The following MPP7 variants were observed in gnomAD, a reference collection of about 807,000 sequenced individuals.
MPP7 encodes MAGUK p55 scaffold protein 7.
Under a neutral mutation model 76.5 loss-of-function variants are expected in MPP7, and 60 were observed. The observed-to-expected ratio is 0.78, with a 90% confidence interval of 0.64 to 0.97. The LOEUF is 0.97. Among genes scored for constraint, MPP7 ranks in the 50% least tolerant of loss-of-function variants. The pLI is 0.00. For missense variants in MPP7, 641 were observed against 694.0 expected (o/e 0.92, Z 0.86); for synonymous variants, 237 against 244.5 (o/e 0.97, Z 0.29).
intron 11 of MPP7, among the ~76,000 whole-genome samples, chr10:28,095,316 A>G (rs1853518465): frequency 6.6e-6 from 1 of 151,768 alleles, no homozygotes; most frequent in African/African-American, 2.4e-5. Context: ...GACAACCAAT[A>G]AAATAGCCAG....
At chr10:28,084,211 C>A (rs1319164902) in intron 12 of MPP7, among the ~76,000 whole-genome samples, 1 of 152,134 alleles carries the variant, frequency 6.6e-6, no homozygotes, top group Non-Finnish European at 1.5e-5. Flanking sequence ...ATAAGGCATA[C>A]ATGAGAAAGC....
At chr10:28,124,206 G>T (rs1027540129) in intron 7 of MPP7, 90 bp from the exon 8 acceptor site, 19 of 873,378 alleles carry the variant, frequency 2.2e-5, no homozygotes, top group Non-Finnish European at 3.7e-5. Flanking sequence ...GCATTGTTAG[G>T]TTCCCTTAAT....
chr10:28,091,730 A>G (rs1481051480), intron 11 of MPP7, among the ~76,000 whole-genome samples: 2 of 152,254 alleles, frequency 1.3e-5, no homozygotes, highest in Non-Finnish European at 2.9e-5. Context: ...TTATGGACTG[A>G]AATTTTTTAA....
At chr10:28,236,534 C>T (rs922588730) in intron 2 of MPP7, 10 of 151,668 alleles carry the variant, frequency 6.6e-5, no homozygotes, top group African/African-American at 2.4e-4. Context: ...GTATTGAATG[C>T]ACAGGAAACT....
chr10:28,065,435 T>G (rs895685271), intron 13 of MPP7, among the ~76,000 whole-genome samples: 7 of 152,208 alleles, frequency 4.6e-5, no homozygotes, highest in Admixed American at 3.3e-4. Flanking sequence ...AGTGCCTAAT[T>G]GTAATGAGTT....
intron 2 of MPP7, among the ~76,000 whole-genome samples, chr10:28,320,109 CAGTT>C (rs1345841785): frequency 6.6e-6 from 1 of 152,100 alleles, no homozygotes; most frequent in Non-Finnish European, 1.5e-5. Context: ...GTAAAGGAGT[CAGTT>C]AGTGACTCTG....
intron 2 of MPP7, among the ~76,000 whole-genome samples, chr10:28,218,295 G>A (rs541203448): frequency 2.6e-5 from 4 of 151,990 alleles, no homozygotes; most frequent in Non-Finnish European, 4.4e-5. Context: ...CAGAGCAAAG[G>A]GATTTAGTCG....
At chr10:28,189,548 G>A (rs1242750318) in intron 3 of MPP7, among the ~76,000 whole-genome samples, 9 of 126,800 alleles carry the variant, frequency 7.1e-5, no homozygotes, top group Middle Eastern at 4.9e-3. Flanking sequence ...ACCAGCCAGG[G>A]AGACAGAGCA....
intron 1 of MPP7, among the ~76,000 whole-genome samples, chr10:28,240,293 C>T (rs1166477434): frequency 6.6e-6 from 1 of 152,106 alleles, no homozygotes; most frequent in Non-Finnish European, 1.5e-5. Flanking sequence ...CTTTAAGTTG[C>T]TGATTCAAAT....
chr10:28,267,739 T>C (rs1420584334), intron 1 of MPP7, among the ~76,000 whole-genome samples: 1 of 138,454 alleles, frequency 7.2e-6, no homozygotes, highest in African/African-American at 3.1e-5. Flanking sequence ...GATAATACTA[T>C]TTGAAAGAAT....
At chr10:28,180,961 A>G (rs1231327655) in intron 3 of MPP7, among the ~76,000 whole-genome samples, 1 of 152,226 alleles carries the variant, frequency 6.6e-6, no homozygotes, top group African/African-American at 2.4e-5. Flanking sequence ...TGTAAACAGC[A>G]CTACTGCAGG....
intron 11 of MPP7, among the ~76,000 whole-genome samples, chr10:28,113,455 G>C (rs1327609305): frequency 6.6e-6 from 1 of 152,108 alleles, no homozygotes; most frequent in Non-Finnish European, 1.5e-5. Flanking sequence ...AGTATTTCCT[G>C]GTCAGGGCAT....
intron 1 of MPP7, among the ~76,000 whole-genome samples, chr10:28,333,072 T>C (rs1339376619): frequency 6.6e-6 from 1 of 152,194 alleles, no homozygotes; most frequent in African/African-American, 2.4e-5. Context: ...TATGGCATTG[T>C]GAGAATTCTA....
In MPP7 at chr10:28,059,699, A is replaced by T. The variant is rs772169247; in HGVS notation, c.1249T>A (p.Tyr417Asn). 2 of 1,613,632 alleles carry T rather than the reference A, an allele frequency of 1.2e-6. No individual in the cohort carries two copies. The highest frequency in any genetic ancestry group is 2.2e-5 in the South Asian group (2 of 91,054). ...AACAAATGCTTGGAAATGAAAATGT[A>T]TTCAACACCATCACTCTCCTGGCTT... Reference protein sequence around the residue: ...RRSQESDGVEYIFISKHLFET... With the variant: ...RRSQESDGVENIFISKHLFET... The change falls in exon 14 of 17, where the codon TAC (tyrosine) becomes AAC (asparagine). Residue 417 changes from tyrosine to asparagine, a missense_variant. By Grantham distance (143) the Tyr-to-Asn change is moderately radical. Coordinates refer to ENST00000683449, the MANE Select transcript of MPP7 (RefSeq NM_001318170.2).
At chr10:28,221,979 T>G (rs1588945452) in intron 2 of MPP7, among the ~76,000 whole-genome samples, 1 of 152,198 alleles carries the variant, frequency 6.6e-6, no homozygotes, top group African/African-American at 2.4e-5. Flanking sequence ...TTATTGGAAC[T>G]GCTTACTATC....
intron 11 of MPP7, among the ~76,000 whole-genome samples, chr10:28,101,369 A>C (rs1044080959): frequency 6.6e-6 from 1 of 152,174 alleles, no homozygotes; most frequent in Non-Finnish European, 1.5e-5. Context: ...GGATTTATAA[A>C]ACATGCAGAT....
At chr10:28,294,659 G>A (rs1406478914) in intron 1 of MPP7, among the ~76,000 whole-genome samples, 1 of 152,146 alleles carries the variant, frequency 6.6e-6, no homozygotes, top group South Asian at 2.1e-4. Context: ...AGGAAATGAG[G>A]TTAAGTATTA....
At chr10:28,061,375 A>G (rs894907510) in intron 13 of MPP7, among the ~76,000 whole-genome samples, 1 of 152,054 alleles carries the variant, frequency 6.6e-6, no homozygotes, top group Non-Finnish European at 1.5e-5. Flanking sequence ...ACAAATAGAA[A>G]TTGTAGAAAT....
chr10:28,131,583 G>A lies in MPP7; in HGVS notation c.424C>T (p.Leu142=). 1.2e-6 allele frequency: 2 copies of A among 1,601,456 alleles called. No individual in the cohort carries two copies. Among genetic ancestry groups the A allele is most frequent in the Non-Finnish European group, 1.7e-6 (2 of 1,172,982 alleles). ...ACCAGTGGTTCTCTATTTTTGACCA[G>A]ACGGATTATTTTTACTGAGTCTTCC... ...DEEDSVKIIR[L]VKNREPLGAT... Residue 142 remains leucine (L), a synonymous_variant, in exon 6 of 17, where the codon CTG becomes TTG. Transcript: ENST00000683449.
Sources: gnomAD v4.1 joint callset for allele counts (sites outside exome capture counted in the v4.1 genomes callset) on GRCh38, gnomAD v4.1.1 for gene constraint, MANE v1.5 for transcripts, NCBI Gene and HGNC (gene_info 2026-07-23, HGNC 2026-07-21) for gene names.